Variants in NCOR2 observed in about 807,000 individuals in gnomAD.
NCOR2 encodes CTG repeat protein 26.
In NCOR2, 81 loss-of-function variants were observed where a neutral mutation model predicts 262.9. The observed-to-expected ratio is 0.31, with a 90% CI of 0.26 to 0.37. NCOR2 has a LOEUF of 0.37. Ranked by LOEUF, NCOR2 falls within the 10% of genes least tolerant of loss-of-function variation. The pLI is 1.00. For synonymous variants in NCOR2, 1,659 were observed against 1,559.3 expected, an observed-to-expected ratio of 1.06 and a Z score of -1.51; for missense variants, 3,385 against 3,621.4, an observed-to-expected ratio of 0.93 and a Z score of 1.68.
intron 1 of NCOR2, among the ~76,000 whole-genome samples, chr12:124,545,068 G>A (rs574496681): frequency 1.2e-4 from 18 of 152,062 alleles, no homozygotes; most frequent in Non-Finnish European, 2.4e-4. Context: ...TTACAACCTG[G>A]CACCCAGCAG....
chr12:124,395,676 GT>G (rs1174384247), intron 16 of NCOR2, among the ~76,000 whole-genome samples: 1 of 152,150 alleles, frequency 6.6e-6, no homozygotes, highest in African/African-American at 2.4e-5. Flanking sequence ...TGTCTTCCCA[GT>G]TCTCAGGCAA....
At chr12:124,562,549 C>T (rs13377760) in intron 1 of NCOR2, among the ~76,000 whole-genome samples, 8,644 of 152,320 alleles carry the variant, frequency 0.057, 312 homozygotes, top group Middle Eastern at 0.085. Context: ...GCCCACTCTC[C>T]GGGCTGCCCA....
exon 31 of NCOR2, chr12:124,346,691 T>C: frequency 6.4e-7 from 1 of 1,573,288 alleles, no homozygotes; most frequent in Non-Finnish European, 8.6e-7. Flanking sequence ...CAGGCCCTCA[T>C]GGGCCGGCTT....
intron 17 of NCOR2, among the ~76,000 whole-genome samples, chr12:124,385,446 G>A (rs953142216): frequency 6.6e-6 from 1 of 152,210 alleles, no homozygotes; most frequent in East Asian, 1.9e-4. Flanking sequence ...CCCCCACACC[G>A]TGAGACAGGG....
At chr12:124,410,931 G>T (rs971715828) in intron 13 of NCOR2, among the ~76,000 whole-genome samples, 1 of 151,872 alleles carries the variant, frequency 6.6e-6, no homozygotes, top group African/African-American at 2.4e-5. Flanking sequence ...GGGACAGGGG[G>T]CTGTAGTGGG....
intron 1 of NCOR2, among the ~76,000 whole-genome samples, chr12:124,508,355 C>T (rs2049167581): frequency 6.6e-6 from 1 of 152,270 alleles, no homozygotes; most frequent in Non-Finnish European, 1.5e-5. Flanking sequence ...ATGGCCCCTG[C>T]AGCCAGGAGC....
At position 124,385,965 on chromosome 12, in the gene NCOR2, C is replaced by T. The variant is rs1433016419; in HGVS notation, c.1877-78G>A. ...GGGCCTGCATCCATGGCCTGGGCGGCAAACGGGCCTGGAGCAGAAACCCAG... is the reference window on the plus strand; with the variant it reads ...GGGCCTGCATCCATGGCCTGGGCGGTAAACGGGCCTGGAGCAGAAACCCAG... On this transcript the variant is annotated intron_variant, in intron 16 of 46. Transcript: ENST00000405201. 2.0e-6 allele frequency: 3 copies of T among 1,528,174 alleles called. No individual in the cohort carries two copies. The African/African-American group carries it at 4.1e-5, about 21-fold the overall frequency. The allele number at this position is 1,528,174 out of a possible 1,614,324, so 94.7% of individuals were successfully genotyped here.
intron 31 of NCOR2, among the ~76,000 whole-genome samples, chr12:124,346,144 G>A (rs1480929919): frequency 2.0e-5 from 3 of 152,154 alleles, no homozygotes; most frequent in Non-Finnish European, 2.9e-5. Flanking sequence ...AATTTACTCA[G>A]CAATAAAATA....
chr12:124,328,662 C>A (rs1296694833), intron 44 of NCOR2: 1 of 154,694 alleles, frequency 6.5e-6, no homozygotes, highest in African/African-American at 2.4e-5. Context: ...TTCCACCGTG[C>A]CCACCACGGG....
At chr12:124,346,843 A>C in exon 31 of NCOR2, 3 of 1,574,370 alleles carry the variant, frequency 1.9e-6, no homozygotes, top group Non-Finnish European at 2.6e-6. Flanking sequence ...CGTAGGACCG[A>C]GGGATCCCTG....
chr12:124,544,314 C>T (rs2051474322), intron 1 of NCOR2, among the ~76,000 whole-genome samples: 1 of 152,234 alleles, frequency 6.6e-6, no homozygotes, highest in Non-Finnish European at 1.5e-5. Flanking sequence ...GCTGGCTTCT[C>T]CCAGAGAGGC....
chr12:124,554,000 T>C (rs375547731), intron 1 of NCOR2, among the ~76,000 whole-genome samples: 84 of 152,142 alleles, frequency 5.5e-4, no homozygotes, highest in African/African-American at 2.0e-3. Context: ...GTCAGCACCC[T>C]CCCCTGCAGC....
intron 5 of NCOR2, among the ~76,000 whole-genome samples, chr12:124,460,308 G>A (rs973898733): frequency 3.3e-5 from 5 of 152,212 alleles, no homozygotes; most frequent in African/African-American, 4.8e-5. Context: ...TCGCTCAGGC[G>A]GTCTCTGGGG....
intron 1 of NCOR2, among the ~76,000 whole-genome samples, chr12:124,543,445 C>T (rs922376031): frequency 3.3e-5 from 5 of 152,244 alleles, no homozygotes; most frequent in Non-Finnish European, 4.4e-5. Context: ...CAGACCCACA[C>T]GGGGTTACCT....
At chr12:124,485,469 T>C (rs745795908) in intron 2 of NCOR2, among the ~76,000 whole-genome samples, 4 of 152,268 alleles carry the variant, frequency 2.6e-5, no homozygotes, top group African/African-American at 4.8e-5. Flanking sequence ...CATCCTCCCC[T>C]TGAGCCTTCT....
chr12:124,498,111 G>A (rs3759108), upstream of NCOR2, among the ~76,000 whole-genome samples: 13,626 of 152,240 alleles, frequency 0.09, 754 homozygotes, highest in East Asian at 0.22. Flanking sequence ...TGCTGTTCCC[G>A]AGGTCTGCCC....
chr12:124,350,904 T>G (rs558835279), intron 27 of NCOR2, among the ~76,000 whole-genome samples, 167 bp from the exon 30 acceptor site: 1 of 152,338 alleles, frequency 6.6e-6, no homozygotes, highest in South Asian at 2.1e-4. Flanking sequence ...CAAAACCCTA[T>G]GAGGAACCTG....
intron 8 of NCOR2, among the ~76,000 whole-genome samples, chr12:124,431,758 A>ACAGT (rs2136360602): frequency 6.6e-6 from 1 of 151,600 alleles, no homozygotes; most frequent in South Asian, 2.1e-4. Context: ...CACACAGTAG[A>ACAGT]CACACAGTCA....
At chr12:124,360,083 C>A (rs182750250) in intron 22 of NCOR2, among the ~76,000 whole-genome samples, 3 of 152,224 alleles carry the variant, frequency 2.0e-5, no homozygotes, top group South Asian at 4.1e-4. Context: ...CAGGGGCCTG[C>A]GACCTGGCTC....
Sources: gnomAD v4.1 joint callset for allele counts (sites outside exome capture counted in the v4.1 genomes callset) on GRCh38, gnomAD v4.1.1 for gene constraint, MANE v1.5 for transcripts, NCBI Gene and HGNC (gene_info 2026-07-23, HGNC 2026-07-21) for gene names.